MYO18B: variants seen among roughly 807,000 people sequenced by gnomAD.
MYO18B encodes myosin XVIIIB, also known as unconventional myosin-XVIIIb.
A neutral mutation model predicts 273.0 loss-of-function variants in MYO18B; 204 were observed. The ratio of observed to expected loss-of-function variants is 0.75; its 90% CI spans 0.67 to 0.84. The LOEUF is 0.84. Ranked by LOEUF, MYO18B falls within the 40% of genes least tolerant of loss-of-function variation. The pLI, the probability that MYO18B is intolerant of heterozygous loss-of-function variation, is 0.00. For synonymous variants in MYO18B, 1,330 were observed against 1,305.7 expected (o/e 1.02, Z -0.40); for missense variants, 3,212 against 3,287.6 (o/e 0.98, Z 0.56).
chr22:25,752,144 A>ATTCATTCG (rs10651206), intron 1 of MYO18B, among the ~76,000 whole-genome samples: 2 of 149,718 alleles, frequency 1.3e-5, no homozygotes, highest in African/African-American at 4.9e-5. Context: ...TCATTCATTC[A>ATTCATTCG]CCTACTTATT....
chr22:25,768,130 A>T lies in MYO18B; in HGVS notation c.214A>T (p.Ile72Phe). The change falls in exon 4 of 44, where the codon ATC (isoleucine) becomes TTC (phenylalanine). Residue 72 changes from isoleucine to phenylalanine, a missense_variant. Transcript: ENST00000335473. ...SPEREIPEIS[I>F]SQPNSKSSSG... ...TTTCTCCCAGATCCCAGAAATTTCC[A>T]TCAGCCAACCCAACAGCAAGTCCAG... 2 of 1,596,670 alleles carry T rather than the reference A, an allele frequency of 1.3e-6. No individual in the cohort carries two copies. Among genetic ancestry groups the T allele is most frequent in the Non-Finnish European group, 1.7e-6 (2 of 1,170,552 alleles).
At chr22:25,855,571 C>T (rs577170510) in intron 21 of MYO18B, among the ~76,000 whole-genome samples, 18 of 152,290 alleles carry the variant, frequency 1.2e-4, no homozygotes, top group Non-Finnish European at 2.2e-4. Context: ...TGAGCCACTG[C>T]GCCCGGCCCT....
At chr22:25,882,469 A>AAAAT (rs2091368965) in intron 25 of MYO18B, among the ~76,000 whole-genome samples, 1 of 152,214 alleles carries the variant, frequency 6.6e-6, no homozygotes, top group Admixed American at 6.5e-5. Flanking sequence ...TAAGGCATTT[A>AAAAT]GCAAAGTATG....
chr22:25,762,096 T>TC (rs2086341574), intron 2 of MYO18B, among the ~76,000 whole-genome samples: 1 of 149,296 alleles, frequency 6.7e-6, no homozygotes, highest in Non-Finnish European at 1.5e-5. Flanking sequence ...AGTGCGAGAC[T>TC]CCGTCTCAAA....
At chr22:25,788,988 T>C (rs1317521824) in intron 11 of MYO18B, among the ~76,000 whole-genome samples, 1 of 152,192 alleles carries the variant, frequency 6.6e-6, no homozygotes, top group Non-Finnish European at 1.5e-5. Flanking sequence ...ATGAAGTACT[T>C]CGGCAGTGCC....
intron 1 of MYO18B, among the ~76,000 whole-genome samples, chr22:25,748,009 C>G (rs1407538577): frequency 6.6e-6 from 1 of 152,180 alleles, no homozygotes; most frequent in Non-Finnish European, 1.5e-5. Flanking sequence ...TGTGTACCCT[C>G]ATCAACCCTT....
At chr22:25,983,844 C>T (rs990758163) in intron 39 of MYO18B, among the ~76,000 whole-genome samples, 7 of 152,218 alleles carry the variant, frequency 4.6e-5, no homozygotes, top group African/African-American at 1.7e-4. Flanking sequence ...GTCTCACTTC[C>T]CATTGGATGG....
chr22:25,915,306 G>C (rs1384205530), intron 33 of MYO18B, among the ~76,000 whole-genome samples: 1 of 152,146 alleles, frequency 6.6e-6, no homozygotes, highest in Non-Finnish European at 1.5e-5. Context: ...GAACATCCTA[G>C]AGTGCACTCA....
intron 17 of MYO18B, among the ~76,000 whole-genome samples, chr22:25,836,943 C>T (rs973072214): frequency 2.7e-5 from 4 of 150,642 alleles, no homozygotes; most frequent in Non-Finnish European, 4.4e-5. Context: ...GCCTGGACAA[C>T]AAGAGTGAAA....
At chr22:25,964,587 T>C (rs577642031) in intron 39 of MYO18B, among the ~76,000 whole-genome samples, 1 of 152,316 alleles carries the variant, frequency 6.6e-6, no homozygotes, top group South Asian at 2.1e-4. Flanking sequence ...GTCCTGTGTA[T>C]GGTAAGACAT....
At chr22:25,894,686 A>G (rs770482230) in intron 27 of MYO18B, 1 of 153,576 alleles carries the variant, frequency 6.5e-6, no homozygotes, top group Non-Finnish European at 1.4e-5. Context: ...GTTGGCCAGT[A>G]GGATGACTCT....
chr22:25,768,850 CA>C lies in MYO18B; in HGVS notation c.937del (p.Ile313SerfsTer30). 1 of 1,612,708 alleles carries C rather than the reference CA, an allele frequency of 6.2e-7. No homozygotes were observed. Among genetic ancestry groups the C allele is most frequent in the Non-Finnish European group, 8.5e-7 (1 of 1,179,366 alleles). On this transcript the variant is annotated frameshift_variant, in exon 4 of 44. Transcript: ENST00000335473. LOFTEE classifies it high-confidence loss of function. ...GAGTGAAGGGAAGCACGTAAGGCCC[CA>C]AATCCCTGGGAGAAAGTGGGGAGGT... ...VGSEGKHVRP[Q>X]IPGRKWGGFL...
chr22:25,745,721 C>A (rs892569300), intron 1 of MYO18B, among the ~76,000 whole-genome samples: 3 of 152,070 alleles, frequency 2.0e-5, no homozygotes, highest in African/African-American at 7.2e-5. Context: ...ACCCCTTGGC[C>A]AGTGCTCATG....
At chr22:25,779,958 G>A in intron 8 of MYO18B, 98 bp from the exon 9 acceptor site, 1 of 1,436,716 alleles carries the variant, frequency 7.0e-7, no homozygotes, top group Non-Finnish European at 9.2e-7. Context: ...GATGGGGACT[G>A]GCCCAAGCAG....
intron 17 of MYO18B, among the ~76,000 whole-genome samples, chr22:25,838,827 G>GTAATATA (rs1302281817): frequency 1.3e-5 from 2 of 152,082 alleles, no homozygotes; most frequent in African/African-American, 4.8e-5. Flanking sequence ...GTGTATGTGT[G>GTAATATA]TATGTCTGTG....
chr22:26,050,056 A>G, the MYO18B span, among the ~76,000 whole-genome samples: 1 of 152,210 alleles, frequency 6.6e-6, no homozygotes, highest in East Asian at 1.9e-4. Context: ...TCAGAAAAAC[A>G]GCACTATTTA....
intron 27 of MYO18B, among the ~76,000 whole-genome samples, chr22:25,893,220 T>A (rs1892519937): frequency 6.6e-6 from 1 of 152,230 alleles, no homozygotes; most frequent in African/African-American, 2.4e-5. Flanking sequence ...TTTAAAAAAA[T>A]ATGTTTTCCT....
chr22:25,957,439 G>T (rs919851411), intron 39 of MYO18B, among the ~76,000 whole-genome samples: 3 of 152,198 alleles, frequency 2.0e-5, no homozygotes, highest in African/African-American at 7.2e-5. Flanking sequence ...GCTGAAATTA[G>T]ACCTGCATCT....
intron 1 of MYO18B, among the ~76,000 whole-genome samples, chr22:25,758,761 T>G (rs796361053): frequency 5.0e-4 from 69 of 139,384 alleles, no homozygotes; most frequent in African/African-American, 1.7e-3. Flanking sequence ...GTGATGAGAA[T>G]TTTTTTTTTT....
Sources: allele counts gnomAD v4.1 joint callset (sites outside exome capture counted in the v4.1 genomes callset), GRCh38; gene constraint gnomAD v4.1.1; transcripts MANE v1.5; gene names NCBI Gene and HGNC (gene_info 2026-07-23, HGNC 2026-07-21).